Variants in TAB2 observed in about 807,000 individuals in gnomAD.
The protein encoded by TAB2 is TGF-beta activated kinase 1 (MAP3K7) binding protein 2, also known as TGF-beta-activated kinase 1 and MAP3K7-binding protein 2.
TAB2 carries 3 observed loss-of-function variants against 65.0 expected under a neutral mutation model. The observed-to-expected ratio is 0.05, with a 90% confidence interval of 0.02 to 0.12. The LOEUF (loss-of-function observed/expected upper bound fraction) is 0.12, where lower values mean the gene tolerates loss of function less well. TAB2 is among the 10% of genes least tolerant of loss of function. TAB2 has a pLI of 1.00. For synonymous variants in TAB2, 298 were observed against 285.1 expected, an observed-to-expected ratio of 1.05 and a Z score of -0.46; for missense variants, 623 against 840.3, an observed-to-expected ratio of 0.74 and a Z score of 3.20.
chr6:149,365,507 A>G (rs1170380313), intron 1 of TAB2, among the ~76,000 whole-genome samples: 7 of 152,088 alleles, frequency 4.6e-5, no homozygotes, highest in Non-Finnish European at 5.9e-5. Flanking sequence ...ATGAGAAGTC[A>G]TCATTTAAAT....
At chr6:149,348,097 GTAATAA>G (rs1323652246) in intron 1 of TAB2, among the ~76,000 whole-genome samples, 1 of 152,122 alleles carries the variant, frequency 6.6e-6, no homozygotes, top group Non-Finnish European at 1.5e-5. Context: ...ATTGTAATTA[GTAATAA>G]GAATGTGGGC....
intron 1 of TAB2, among the ~76,000 whole-genome samples, chr6:149,250,931 C>T (rs945839350): frequency 5.9e-5 from 9 of 152,206 alleles, no homozygotes; most frequent in African/African-American, 1.9e-4. Context: ...TTCTGCCTCT[C>T]TTCATTGTTT....
chr6:149,374,448 C>G (rs1781336119), intron 2 of TAB2, among the ~76,000 whole-genome samples: 1 of 152,132 alleles, frequency 6.6e-6, no homozygotes, highest in African/African-American at 2.4e-5. Context: ...GTGTCAAACT[C>G]CTGGGCCCAG....
rs764530872 is a variant in TAB2, at chr6:149,400,500, C to A, written c.1939+1316C>A. 3 of 1,614,110 alleles carry A rather than the reference C, an allele frequency of 1.9e-6. No homozygotes were observed. The Admixed American group carries it at 5.0e-5, about 27-fold the overall frequency. On this transcript the variant is annotated intron_variant, in intron 6 of 6. Coordinates refer to ENST00000637181, the MANE Select transcript of TAB2 (RefSeq NM_001292034.3). The stretch of plus-strand genomic sequence containing the variant: ...TGTGGTGCAGTTTAAGATTAAGAGG[C>A]AGACACCACTTAGTAAACTAATGAA...
chr6:149,246,544 A>C (rs1400022306), intron 1 of TAB2: 1 of 152,240 alleles, frequency 6.6e-6, no homozygotes, highest in Admixed American at 6.5e-5. Context: ...TGTCAAAGAA[A>C]TCCCAAGTTC....
At chr6:149,306,051 G>C (rs142082771) in intron 1 of TAB2, among the ~76,000 whole-genome samples, 2 of 152,290 alleles carry the variant, frequency 1.3e-5, no homozygotes, top group East Asian at 3.9e-4. Flanking sequence ...AAGATGAAGG[G>C]AAAGAAGTGG....
intron 1 of TAB2, among the ~76,000 whole-genome samples, chr6:149,301,744 A>G (rs192849654): frequency 1.3e-5 from 2 of 152,316 alleles, no homozygotes; most frequent in East Asian, 1.9e-4. Context: ...GTATTTAACC[A>G]CTACTTTTCA....
At chr6:149,306,182 A>G (rs934513899) in intron 1 of TAB2, among the ~76,000 whole-genome samples, 1 of 151,836 alleles carries the variant, frequency 6.6e-6, no homozygotes, top group Non-Finnish European at 1.5e-5. Flanking sequence ...AAGGCAGGAG[A>G]GTCACTTGAG....
At chr6:149,244,176 T>C (rs1031237457) in intron 1 of TAB2, 1 of 152,228 alleles carries the variant, frequency 6.6e-6, no homozygotes, top group Non-Finnish European at 1.5e-5. Flanking sequence ...TTTCCAGTGT[T>C]TGGGGAAACA....
chr6:149,220,921 A>C (rs905911703), intron 1 of TAB2: 4 of 152,194 alleles, frequency 2.6e-5, no homozygotes, highest in Non-Finnish European at 4.4e-5. Context: ...CTGGCTGAAG[A>C]TTCAAGTTTT....
chr6:149,403,247 A>AATATATATATATATATATAT (rs71010865), intron 6 of TAB2, among the ~76,000 whole-genome samples: 1 of 44,034 alleles, frequency 2.3e-5, no homozygotes, highest in Non-Finnish European at 3.6e-5. Context: ...AAAAAAAAAA[A>AATATATATATATATATATAT]ATATATATAT....
At chr6:149,357,036 C>CA (rs536924898) in intron 1 of TAB2, among the ~76,000 whole-genome samples, 215 of 152,244 alleles carry the variant, frequency 1.4e-3, no homozygotes, top group Middle Eastern at 6.8e-3. Flanking sequence ...ACATTTATAA[C>CA]AGTCTAGTGG....
chr6:149,379,118 G>A lies in TAB2; in HGVS notation c.1203G>A (p.Met401Ile). 5.0e-6 allele frequency: 8 copies of A among 1,614,128 alleles called. No individual in the cohort carries two copies. The highest frequency in any genetic ancestry group is 6.8e-6 in the Non-Finnish European group (8 of 1,180,032). Residue 401 changes from methionine (M) to isoleucine (I), a missense_variant, in exon 3 of 7, where the codon ATG (methionine) becomes ATA (isoleucine). Met to Ile is a conservative substitution (Grantham distance 10). Coordinates refer to ENST00000637181, the MANE Select transcript of TAB2 (RefSeq NM_001292034.3). ...CTGCCACAGGAGATGAACAGGTCATGCGGAATCAGCCCACACTCTTCATAT... is the reference window on the plus strand; with the variant it reads ...CTGCCACAGGAGATGAACAGGTCATACGGAATCAGCCCACACTCTTCATAT... The part of the protein sequence containing the change: ...ANAATGDEQV[M>I]RNQPTLFIST...
intron 1 of TAB2, among the ~76,000 whole-genome samples, chr6:149,296,107 A>T (rs1375572609): frequency 6.6e-6 from 1 of 152,204 alleles, no homozygotes; most frequent in Non-Finnish European, 1.5e-5. Context: ...ATGCATTTTT[A>T]AAAGGATTTA....
chr6:149,373,304 A>C (rs575243159), intron 2 of TAB2, among the ~76,000 whole-genome samples: 1 of 152,132 alleles, frequency 6.6e-6, no homozygotes, highest in East Asian at 1.9e-4. Flanking sequence ...TGAATCTGTA[A>C]GTTTAAAATT....
intron 1 of TAB2, among the ~76,000 whole-genome samples, chr6:149,289,884 T>C (rs1234662040): frequency 6.6e-6 from 1 of 152,012 alleles, no homozygotes; most frequent in Non-Finnish European, 1.5e-5. Context: ...ACTGGAAACA[T>C]GTGGGGTGTG....
chr6:149,330,049 A>G (rs937308922), intron 1 of TAB2, among the ~76,000 whole-genome samples: 4 of 151,958 alleles, frequency 2.6e-5, no homozygotes, highest in African/African-American at 9.7e-5. Context: ...TGTCACTTCA[A>G]GAATGTTACA....
intron 1 of TAB2, among the ~76,000 whole-genome samples, chr6:149,336,240 A>G (rs1490436113): frequency 2.6e-5 from 4 of 152,182 alleles, no homozygotes; most frequent in Non-Finnish European, 5.9e-5. Context: ...CTTGGAATTC[A>G]TTGCTGCCTA....
chr6:149,302,047 A>G (rs1014551790), intron 1 of TAB2, among the ~76,000 whole-genome samples: 1 of 152,206 alleles, frequency 6.6e-6, no homozygotes, highest in Non-Finnish European at 1.5e-5. Context: ...TTATCATTGT[A>G]TATGTTAAAA....
Sources: gnomAD v4.1 joint callset for allele counts (sites outside exome capture counted in the v4.1 genomes callset) on GRCh38, gnomAD v4.1.1 for gene constraint, MANE v1.5 for transcripts, NCBI Gene and HGNC (gene_info 2026-07-23, HGNC 2026-07-21) for gene names.